Variants in TNFSF4 observed in about 807,000 individuals in gnomAD.
The protein encoded by TNFSF4 is tumor necrosis factor ligand superfamily member 4.
Under a neutral mutation model 7.3 loss-of-function variants are expected in TNFSF4, and 4 were observed. The ratio of observed to expected loss-of-function variants is 0.55; its 90% CI spans 0.27 to 1.25. TNFSF4 has a LOEUF of 1.25. Among genes scored for constraint, TNFSF4 ranks in the 50% most tolerant of loss-of-function variants. TNFSF4 has a pLI of 0.12. For missense variants in TNFSF4, 181 were observed against 208.8 expected (o/e 0.87, Z 0.82); for synonymous variants, 76 against 83.7 (o/e 0.91, Z 0.50).
chr1:173,212,798 C>A, the TNFSF4 span, among the ~76,000 whole-genome samples: 3 of 151,728 alleles, frequency 2.0e-5, no homozygotes, highest in African/African-American at 7.3e-5. Context: ...TTACATACCC[C>A]ATAAATACAT....
the TNFSF4 span, among the ~76,000 whole-genome samples, chr1:173,219,281 G>T: frequency 6.6e-6 from 1 of 152,050 alleles, no homozygotes; most frequent in Non-Finnish European, 1.5e-5. Flanking sequence ...TGGTTATCTC[G>T]AGGTTTTTAT....
the TNFSF4 span, among the ~76,000 whole-genome samples, chr1:173,250,020 A>G: frequency 6.1e-3 from 923 of 152,256 alleles, 7 homozygotes; most frequent in African/African-American, 0.021. Flanking sequence ...TGAACTTAAA[A>G]TAAAAAAAAA....
At chr1:173,431,552 C>T in the TNFSF4 span, among the ~76,000 whole-genome samples, 1 of 152,262 alleles carries the variant, frequency 6.6e-6, no homozygotes, top group African/African-American at 2.4e-5. Context: ...TTCAGTGAAC[C>T]AACTGACCAA....
the TNFSF4 span, among the ~76,000 whole-genome samples, chr1:173,325,164 C>G: frequency 2.1e-4 from 32 of 152,348 alleles, no homozygotes; most frequent in African/African-American, 7.5e-4. Context: ...AACAAACTAT[C>G]TCTCAGACCA....
At chr1:173,267,428 C>T in the TNFSF4 span, among the ~76,000 whole-genome samples, 991 of 152,290 alleles carry the variant, frequency 6.5e-3, 5 homozygotes, top group African/African-American at 0.023. Flanking sequence ...TCCCAATTTG[C>T]ATACCAGTAG....
At chr1:173,224,247 C>T in the TNFSF4 span, among the ~76,000 whole-genome samples, 13 of 152,234 alleles carry the variant, frequency 8.5e-5, no homozygotes, top group Middle Eastern at 3.4e-3. Flanking sequence ...ACTAGATGTA[C>T]GCTCAGGAAT....
At chr1:173,291,021 A>C in the TNFSF4 span, among the ~76,000 whole-genome samples, 1 of 152,172 alleles carries the variant, frequency 6.6e-6, no homozygotes, top group Non-Finnish European at 1.5e-5. Flanking sequence ...TAGTTCATTC[A>C]TGCATTGCTA....
chr1:173,306,180 G>C, the TNFSF4 span, among the ~76,000 whole-genome samples: 1 of 151,682 alleles, frequency 6.6e-6, no homozygotes, highest in African/African-American at 2.4e-5. Context: ...AAGTATCTTA[G>C]AATCAATAGC....
At chr1:173,262,891 C>T in the TNFSF4 span, among the ~76,000 whole-genome samples, 5 of 152,170 alleles carry the variant, frequency 3.3e-5, no homozygotes, top group African/African-American at 1.2e-4. Context: ...TGAGCCACCA[C>T]GCCCAGCCCC....
chr1:173,217,952 T>C, the TNFSF4 span, among the ~76,000 whole-genome samples: 1 of 152,156 alleles, frequency 6.6e-6, no homozygotes. Context: ...TCTCCCTATG[T>C]TGCCCAGGCT....
chr1:173,391,671 T>C, the TNFSF4 span, among the ~76,000 whole-genome samples: 1 of 152,008 alleles, frequency 6.6e-6, no homozygotes, highest in Admixed American at 6.6e-5. Context: ...TCCTCCTCGA[T>C]CTAAATCAGT....
At chr1:173,275,220 G>A in the TNFSF4 span, among the ~76,000 whole-genome samples, 2 of 152,064 alleles carry the variant, frequency 1.3e-5, no homozygotes, top group African/African-American at 4.8e-5. Context: ...ACAGGCCTGG[G>A]CAGATCCTGC....
chr1:173,434,918 G>A, the TNFSF4 span, among the ~76,000 whole-genome samples: 3 of 152,186 alleles, frequency 2.0e-5, no homozygotes, highest in Non-Finnish European at 4.4e-5. Flanking sequence ...AAACACTGAA[G>A]AAAGAAAGAG....
chr1:173,209,861 A>G (rs1054495333), upstream of TNFSF4, among the ~76,000 whole-genome samples: 1 of 152,206 alleles, frequency 6.6e-6, no homozygotes, highest in African/African-American at 2.4e-5. Context: ...AGAGCAAATC[A>G]GCCTTAAAAT....
the TNFSF4 span, among the ~76,000 whole-genome samples, chr1:173,398,244 G>C: frequency 2.0e-5 from 3 of 151,992 alleles, no homozygotes; most frequent in African/African-American, 4.8e-5. Context: ...TTACACTGAT[G>C]ACATTCTCTT....
the TNFSF4 span, among the ~76,000 whole-genome samples, chr1:173,325,151 T>A: frequency 2.6e-5 from 4 of 151,898 alleles, no homozygotes; most frequent in African/African-American, 9.7e-5. Context: ...GAACAGAAAT[T>A]ATAACAAACT....
At chr1:173,314,493 C>T in the TNFSF4 span, among the ~76,000 whole-genome samples, 9 of 152,116 alleles carry the variant, frequency 5.9e-5, no homozygotes, top group African/African-American at 1.7e-4. Flanking sequence ...TGATGTCCAA[C>T]TTCCTTCTCT....
chr1:173,341,136 C>A, the TNFSF4 span, among the ~76,000 whole-genome samples: 1 of 152,190 alleles, frequency 6.6e-6, no homozygotes, highest in Non-Finnish European at 1.5e-5. Flanking sequence ...GTGGCCTCCC[C>A]AGCCATGCTG....
At chr1:173,216,939 G>T in the TNFSF4 span, among the ~76,000 whole-genome samples, 1 of 152,064 alleles carries the variant, frequency 6.6e-6, no homozygotes, top group African/African-American at 2.4e-5. Flanking sequence ...ATTTGGAAGA[G>T]ATCTCAACTT....
Sources: allele counts gnomAD v4.1 joint callset (sites outside exome capture counted in the v4.1 genomes callset), GRCh38; gene constraint gnomAD v4.1.1; transcripts MANE v1.5; gene names NCBI Gene and HGNC (gene_info 2026-07-23, HGNC 2026-07-21).